Variants in FANCA observed in about 807,000 individuals in gnomAD.
FANCA encodes Fanconi anemia group A protein.
A neutral mutation model predicts 194.3 loss-of-function variants in FANCA; 236 were observed. The ratio of observed to expected loss-of-function variants is 1.21; its 90% CI spans 1.09 to 1.35. The LOEUF (loss-of-function observed/expected upper bound fraction) is 1.35, where lower values mean the gene tolerates loss of function less well. Among genes scored for constraint, FANCA ranks in the 40% most tolerant of loss-of-function variants. The pLI is 0.00. For synonymous variants in FANCA, 1,014 were observed against 715.8 expected, an observed-to-expected ratio of 1.42 and a Z score of -6.65; for missense variants, 2,628 against 1,813.9, an observed-to-expected ratio of 1.45 and a Z score of -8.15.
intron 36 of FANCA, 156 bp downstream of exon 36, chr16:89,744,803 C>G (rs1327759773): frequency 6.8e-6 from 5 of 730,342 alleles, no homozygotes; most frequent in South Asian, 1.5e-5. Context: ...ATTACAGGCG[C>G]CCACCACCAC....
At chr16:89,766,923 G>A (rs956489354) in intron 27 of FANCA, among the ~76,000 whole-genome samples, 69 of 152,250 alleles carry the variant, frequency 4.5e-4, no homozygotes, top group African/African-American at 1.6e-3. Context: ...GAGAACACAA[G>A]GAAAGGCAGC....
chr16:89,808,117 A>G (rs2040733154), intron 6 of FANCA, among the ~76,000 whole-genome samples, 177 bp downstream of exon 6: 1 of 152,194 alleles, frequency 6.6e-6, no homozygotes, highest in Non-Finnish European at 1.5e-5. Flanking sequence ...CTCTTGAAAT[A>G]ATAAAGCAAT....
chr16:89,739,177 T>C lies in FANCA; in HGVS notation c.4123A>G (p.Thr1375Ala). The C allele has an allele frequency of 6.2e-7, 1 of 1,614,164 alleles. No homozygotes were observed. The highest frequency in any genetic ancestry group is 8.5e-7 in the Non-Finnish European group (1 of 1,180,046). Reference sequence around the variant, plus strand: ...CTCCTGCCAGCTGGAGGTGAAACTGTGCTTGTATCCCCAGCCACGAAGAGC... The same window carrying C: ...CTCCTGCCAGCTGGAGGTGAAACTGCGCTTGTATCCCCAGCCACGAAGAGC... ...VQLFVAGDTS[T>A]VSPPAGRSLE... Residue 1375 changes from threonine to alanine, a missense_variant, in exon 41 of 43, where the codon ACA becomes GCA. Thr to Ala is a moderately conservative substitution (Grantham distance 58). Coordinates refer to ENST00000389301, the MANE Select transcript of FANCA (RefSeq NM_000135.4).
intron 27 of FANCA, among the ~76,000 whole-genome samples, chr16:89,766,572 G>A (rs893495257): frequency 3.9e-5 from 6 of 152,044 alleles, no homozygotes; most frequent in East Asian, 2.0e-4. Flanking sequence ...ACAATTAGCC[G>A]GGTATGGTGG....
At chr16:89,756,104 T>C (rs141869659) in intron 30 of FANCA, among the ~76,000 whole-genome samples, 242 of 152,270 alleles carry the variant, frequency 1.6e-3, no homozygotes, top group Middle Eastern at 6.8e-3. Flanking sequence ...TACAAAAAAT[T>C]ATGGCTATGT....
intron 30 of FANCA, among the ~76,000 whole-genome samples, chr16:89,753,587 AAACACTC>A (rs2143178516): frequency 6.6e-6 from 1 of 152,360 alleles, no homozygotes; most frequent in Admixed American, 6.5e-5. Flanking sequence ...TTTGTGATAA[AAACACTC>A]AATCAACCAG....
chr16:89,803,365 T>A (rs753343797), intron 7 of FANCA, 24 bp from the exon 8 acceptor site: 9 of 1,599,026 alleles, frequency 5.6e-6, no homozygotes, highest in African/African-American at 1.3e-5. Context: ...AAACCAAAGT[T>A]ATTTATGGAC....
chr16:89,785,026 T>C (rs1318026561), intron 14 of FANCA, 62 bp from the exon 15 acceptor site: 1 of 1,175,956 alleles, frequency 8.5e-7, no homozygotes, highest in African/African-American at 1.5e-5. Context: ...ACCTAGGCAG[T>C]GTCCTGTGTG....
Position 89,784,755 on chromosome 16 carries a change from G to C in FANCA, c.1470+99C>G, listed in dbSNP as rs1598140419. The C allele has an allele frequency of 3.4e-6, 3 of 886,010 alleles. No individual in the cohort carries two copies. The East Asian group carries it at 7.2e-5, about 21-fold the overall frequency. The allele number at this position is 886,010 out of a possible 1,614,324, so 54.9% of individuals were successfully genotyped here. On this transcript the variant is annotated intron_variant, in intron 15 of 42. Transcript: ENST00000389301. Reference sequence around the variant, plus strand: ...GAAGGGCCTGGCTGAGAGGCTCAGAGCAGATCTGCAGGAGGCTCTTGGGGA... The same window carrying C: ...GAAGGGCCTGGCTGAGAGGCTCAGACCAGATCTGCAGGAGGCTCTTGGGGA...
intron 14 of FANCA, among the ~76,000 whole-genome samples, chr16:89,787,832 G>A (rs573544999): frequency 3.3e-5 from 5 of 151,624 alleles, no homozygotes; most frequent in South Asian, 2.1e-4. Context: ...TCAAATTCAC[G>A]ATCATTTGGT....
rs775154397 is a variant in FANCA, at chr16:89,782,938, T to C, written c.1567-20A>G. On this transcript the variant is annotated intron_variant, in intron 16 of 42. Transcript: ENST00000389301. ...AGAAACCTTCAGGGAAGACACAGAA[T>C]GAGAACAAGAAAACAAAGCAGTTTC... 1.9e-6 allele frequency: 3 copies of C among 1,613,670 alleles called. No homozygotes were observed. The highest frequency in any genetic ancestry group is 2.5e-6 in the Non-Finnish European group (3 of 1,179,632).
In FANCA at chr16:89,767,857, A is replaced by AT. The variant is rs57382049; in HGVS notation, c.2505-621dup. ...GTCACTGCAACCAGTCGAGTTTTTA[A>AT]TTTTTTTTAGTAGAGACGGGGTTTC... On this transcript the variant is annotated intron_variant, in intron 26 of 42. Transcript: ENST00000389301. Among the ~76,000 whole-genome samples the AT allele has an allele frequency of 6.6e-5, 10 of 151,800 alleles. No homozygotes were observed. In the South Asian group the frequency reaches 1.0e-3, roughly 16 times the overall value.
chr16:89,765,404 C>T (rs2039092992), intron 27 of FANCA, among the ~76,000 whole-genome samples: 2 of 152,148 alleles, frequency 1.3e-5, no homozygotes, highest in African/African-American at 4.8e-5. Flanking sequence ...CTCAGTCCAG[C>T]CCCTGGAAGG....
chr16:89,744,665 G>GTTTTTTTTTTTTTTTT, intron 36 of FANCA: 1 of 369,368 alleles, frequency 2.7e-6, no homozygotes, highest in Non-Finnish European at 5.1e-6. Flanking sequence ...GGCAGAGGCT[G>GTTTTTTTTTTTTTTTT]TTTTTTTTTT....
At chr16:89,795,870 T>C (rs771432297) in intron 11 of FANCA, 36 bp downstream of exon 11, 17 of 1,501,228 alleles carry the variant, frequency 1.1e-5, no homozygotes, top group African/African-American at 8.3e-5. Context: ...ATCCCCAAAA[T>C]GGGTAGCAAC....
In FANCA at chr16:89,799,585, C is replaced by G. The variant is rs1259457374; in HGVS notation, c.826+20G>C. The G allele has an allele frequency of 4.3e-6, 7 of 1,610,424 alleles. No homozygotes were observed. The highest frequency in any genetic ancestry group is 5.9e-6 in the Non-Finnish European group (7 of 1,176,784). The stretch of plus-strand genomic sequence containing the variant: ...CAAACTAAGTCATTTACAGTCTGGG[C>G]TGCAGTGCAATTAACTTACAAATCA... On this transcript the variant is annotated intron_variant, in intron 9 of 42. Coordinates refer to ENST00000389301, the MANE Select transcript of FANCA (RefSeq NM_000135.4).
intron 2 of FANCA, 88 bp from the exon 3 acceptor site, chr16:89,814,701 G>C (rs2041033452): frequency 3.2e-6 from 3 of 933,100 alleles, no homozygotes; most frequent in East Asian, 2.5e-5. Context: ...CCAGTACTTT[G>C]GGAGGCCGAG....
chr16:89,775,765 G>A lies in FANCA; in HGVS notation c.1877C>T (p.Ser626Phe), dbSNP rs769311485. The change falls in exon 21 of 43, where the codon TCT (serine) becomes TTT (phenylalanine). Residue 626 changes from serine to phenylalanine, a missense_variant. By Grantham distance (155) the Ser-to-Phe change is radical. Coordinates refer to ENST00000389301, the MANE Select transcript of FANCA (RefSeq NM_000135.4). Reference sequence around the variant, plus strand: ...ACCTTCTGGCTTCTCTTCAGCAGCAGAGCAGGCCTGGCAGTAGGTGGAGTA... The same window carrying A: ...ACCTTCTGGCTTCTCTTCAGCAGCAAAGCAGGCCTGGCAGTAGGTGGAGTA... Reference protein sequence around the residue: ...SLYSTYCQACSAAEEKPEDAA... With the variant: ...SLYSTYCQACFAAEEKPEDAA... 8 of 1,612,722 alleles carry A rather than the reference G, an allele frequency of 5.0e-6. No individual in the cohort carries two copies. The highest frequency in any genetic ancestry group is 1.3e-5 in the African/African-American group (1 of 74,892).
chr16:89,747,405 C>T (rs2038427545), intron 33 of FANCA, among the ~76,000 whole-genome samples: 1 of 152,212 alleles, frequency 6.6e-6, no homozygotes, highest in African/African-American at 2.4e-5. Flanking sequence ...CTTTCCTTGT[C>T]ACATTTTGAA....
Sources: gnomAD v4.1 joint callset for allele counts (sites outside exome capture counted in the v4.1 genomes callset) on GRCh38, gnomAD v4.1.1 for gene constraint, MANE v1.5 for transcripts, NCBI Gene and HGNC (gene_info 2026-07-23, HGNC 2026-07-21) for gene names.